Variants in CHL1 observed in about 807,000 individuals in gnomAD.
CHL1 encodes cell adhesion molecule L1 like, also known as neural cell adhesion molecule L1-like protein.
Under a neutral mutation model 141.9 loss-of-function variants are expected in CHL1, and 96 were observed. The ratio of observed to expected loss-of-function variants is 0.68; its 90% CI spans 0.57 to 0.80. The LOEUF is 0.80. Among genes scored for constraint, CHL1 ranks in the 30% least tolerant of loss-of-function variants. The pLI, the probability that CHL1 is intolerant of heterozygous loss-of-function variation, is 0.00. For synonymous variants in CHL1, 613 were observed against 502.2 expected (o/e 1.22, Z -2.95); for missense variants, 1,820 against 1,457.2 (o/e 1.25, Z -4.05).
At chr3:222,930 A>G (rs1256782489) in intron 1 of CHL1, among the ~76,000 whole-genome samples, 4 of 151,860 alleles carry the variant, frequency 2.6e-5, no homozygotes, top group South Asian at 4.2e-4. Context: ...GCATCTTCCA[A>G]TTTTCCTTTC....
intron 1 of CHL1, among the ~76,000 whole-genome samples, chr3:238,703 T>G (rs746287928): frequency 1.4e-4 from 21 of 151,642 alleles, no homozygotes; most frequent in Admixed American, 6.6e-4. Context: ...GGTGGGTGGA[T>G]CACCTGAGGT....
At chr3:236,737 A>G (rs4684332) in intron 1 of CHL1, among the ~76,000 whole-genome samples, 77,723 of 150,962 alleles carry the variant, frequency 0.51, 22,040 homozygotes, top group Non-Finnish European at 0.61. Flanking sequence ...CTTTGTATTC[A>G]TCTTTCCACA....
At chr3:394,665 G>C (rs772597671) in intron 23 of CHL1, 28 bp from the exon 24 acceptor site, 1 of 1,510,686 alleles carries the variant, frequency 6.6e-7, no homozygotes. Flanking sequence ...AAATACATTT[G>C]AGCTGTTGTT....
At chr3:270,766 C>T (rs148944045) in intron 2 of CHL1, among the ~76,000 whole-genome samples, 15 of 152,328 alleles carry the variant, frequency 9.8e-5, no homozygotes, top group African/African-American at 1.9e-4. Context: ...TGAAGGTTCA[C>T]CTGGGCTGGC....
chr3:389,267 G>A lies in CHL1; in HGVS notation c.2263G>A (p.Glu755Lys). Residue 755 changes from glutamate (E) to lysine (K), a missense_variant, in exon 20 of 28, where the codon GAG becomes AAG. Glu to Lys is a moderately conservative substitution (Grantham distance 56). Transcript: ENST00000256509. Reference protein sequence around the residue: ...IIKWEPLKSMEQNGPGLEYRV... With the variant: ...IIKWEPLKSMKQNGPGLEYRV... The stretch of plus-strand genomic sequence containing the variant: ...TCTGTTTTAGCCTTTGAAATCCATG[G>A]AGCAGAATGGACCAGGCCTAGAGTA... 1 of 1,608,830 alleles carries A rather than the reference G, an allele frequency of 6.2e-7. No homozygotes were observed.
chr3:222,276 T>C (rs1044988159), intron 1 of CHL1, among the ~76,000 whole-genome samples: 1 of 151,366 alleles, frequency 6.6e-6, no homozygotes, highest in Admixed American at 6.6e-5. Flanking sequence ...TTTACTTGCC[T>C]TTTTTTTAGC....
At chr3:387,663 C>A (rs1333707385) in intron 19 of CHL1, among the ~76,000 whole-genome samples, 1 of 152,200 alleles carries the variant, frequency 6.6e-6, no homozygotes, top group East Asian at 1.9e-4. Context: ...AGAAAACTAT[C>A]ATTCCAGATT....
intron 2 of CHL1, chr3:248,530 T>C (rs1399807674): frequency 6.6e-6 from 1 of 152,058 alleles, no homozygotes; most frequent in African/African-American, 2.4e-5. Context: ...ATTTGATGAG[T>C]TTGGACATAT....
chr3:401,673 A>G lies in CHL1; in HGVS notation c.3433A>G (p.Lys1145Glu), dbSNP rs754992697. 1.1e-5 allele frequency: 18 copies of G among 1,594,704 alleles called. No homozygotes were observed. The South Asian group carries it at 2.1e-4, about 18-fold the overall frequency. ...LHPDPEIQSV[K>E]DETFGEYSDS... ...TCCAGACCCAGAAATTCAGTCAGTAAAAGATGAAACCTTTGGTGAATACAG... is the reference window on the plus strand; with the variant it reads ...TCCAGACCCAGAAATTCAGTCAGTAGAAGATGAAACCTTTGGTGAATACAG... The change falls in exon 27 of 28, where the codon AAA (lysine) becomes GAA (glutamate). Residue 1145 changes from lysine to glutamate, a missense_variant. Lys to Glu is a moderately conservative substitution (Grantham distance 56, BLOSUM62 1). Transcript: ENST00000256509.
intron 11 of CHL1, among the ~76,000 whole-genome samples, chr3:359,004 T>C (rs952061857): frequency 2.7e-5 from 4 of 147,740 alleles, no homozygotes; most frequent in African/African-American, 9.8e-5. Context: ...ACGGATATTA[T>C]ATATAATATA....
At chr3:250,169 T>A (rs1693558982) in intron 2 of CHL1, among the ~76,000 whole-genome samples, 2 of 152,008 alleles carry the variant, frequency 1.3e-5, no homozygotes, top group African/African-American at 4.8e-5. Context: ...CACACTATGT[T>A]GCCCAGGCTG....
chr3:379,003 T>C (rs1442110207), intron 16 of CHL1, among the ~76,000 whole-genome samples: 1 of 152,242 alleles, frequency 6.6e-6, no homozygotes, highest in African/African-American at 2.4e-5. Context: ...GTCTTTCTTT[T>C]AGTTTGCAGA....
intron 2 of CHL1, among the ~76,000 whole-genome samples, 189 bp downstream of exon 2, chr3:244,881 T>C (rs1186194503): frequency 1.3e-5 from 2 of 152,176 alleles, no homozygotes; most frequent in African/African-American, 4.8e-5. Context: ...TTTTTTGAGT[T>C]CCATTAAATT....
At chr3:206,919 A>G (rs1304394560) in intron 1 of CHL1, among the ~76,000 whole-genome samples, 16 of 152,222 alleles carry the variant, frequency 1.1e-4, no homozygotes, top group Non-Finnish European at 2.9e-5. Flanking sequence ...CATTTCCACA[A>G]AGGTGTGAGT....
intron 2 of CHL1, among the ~76,000 whole-genome samples, chr3:310,077 A>AG (rs1414619347): frequency 6.6e-6 from 1 of 152,150 alleles, no homozygotes; most frequent in African/African-American, 2.4e-5. Flanking sequence ...AAAAAAATAA[A>AG]GAGGAGACAA....
intron 2 of CHL1, among the ~76,000 whole-genome samples, chr3:259,313 T>C (rs1694483731): frequency 6.6e-6 from 1 of 150,428 alleles, no homozygotes; most frequent in African/African-American, 2.5e-5. Context: ...CTTGTGTGTG[T>C]GTGTGCATGC....
intron 3 of CHL1, 39 bp downstream of exon 3, chr3:319,906 A>G (rs372472248): frequency 3.9e-5 from 47 of 1,194,066 alleles, no homozygotes; most frequent in Admixed American, 7.6e-5. Flanking sequence ...ATGGAATTTC[A>G]TATTTGCATT....
chr3:348,713 A>C (rs1702974942), intron 9 of CHL1, among the ~76,000 whole-genome samples: 1 of 152,224 alleles, frequency 6.6e-6, no homozygotes, highest in South Asian at 2.1e-4. Context: ...GCGCTAAGCA[A>C]GGGAAGATTT....
At chr3:275,940 C>A (rs1486706613) in intron 2 of CHL1, among the ~76,000 whole-genome samples, 1 of 151,720 alleles carries the variant, frequency 6.6e-6, no homozygotes, top group Admixed American at 6.6e-5. Context: ...TATATTTTAC[C>A]TTATTTAATC....
Sources: allele counts gnomAD v4.1 joint callset (sites outside exome capture counted in the v4.1 genomes callset), GRCh38; gene constraint gnomAD v4.1.1; transcripts MANE v1.5; gene names NCBI Gene and HGNC (gene_info 2026-07-23, HGNC 2026-07-21).